The following PPARGC1A variants were observed in gnomAD, a reference collection of about 807,000 sequenced individuals.
PPARGC1A encodes the protein PPARG coactivator 1 alpha.
Under a neutral mutation model 88.7 loss-of-function variants are expected in PPARGC1A, and 25 were observed. The observed-to-expected ratio is 0.28, with a 90% CI of 0.21 to 0.39. The LOEUF (loss-of-function observed/expected upper bound fraction) is 0.39, where lower values mean the gene tolerates loss of function less well. Among genes scored for constraint, PPARGC1A ranks in the 10% least tolerant of loss-of-function variants. The pLI is 1.00. For synonymous variants in PPARGC1A, 363 were observed against 355.6 expected, an observed-to-expected ratio of 1.02 and a Z score of -0.24; for missense variants, 880 against 968.7, an observed-to-expected ratio of 0.91 and a Z score of 1.22.
the PPARGC1A span, among the ~76,000 whole-genome samples, chr4:24,393,817 G>A: frequency 6.6e-6 from 1 of 152,054 alleles, no homozygotes; most frequent in Admixed American, 6.5e-5. Context: ...AATAATTTAT[G>A]GCATAAAAAA....
At chr4:24,050,283 C>A in the PPARGC1A span, among the ~76,000 whole-genome samples, 1 of 144,306 alleles carries the variant, frequency 6.9e-6, no homozygotes, top group East Asian at 2.1e-4. Flanking sequence ...GCAACCTCTG[C>A]CTCCCAGGTT....
chr4:24,009,547 C>T, the PPARGC1A span, among the ~76,000 whole-genome samples: 1 of 152,194 alleles, frequency 6.6e-6, no homozygotes, highest in Non-Finnish European at 1.5e-5. Flanking sequence ...CAATGTATTG[C>T]TAGTTTCTTT....
chr4:24,089,370 AT>A, the PPARGC1A span, among the ~76,000 whole-genome samples: 2 of 152,282 alleles, frequency 1.3e-5, no homozygotes, highest in African/African-American at 4.8e-5. Flanking sequence ...CCTCTTGGGG[AT>A]GTTCAAGAGG....
chr4:24,449,989 G>C, the PPARGC1A span, among the ~76,000 whole-genome samples: 2 of 152,292 alleles, frequency 1.3e-5, no homozygotes, highest in Non-Finnish European at 2.9e-5. Flanking sequence ...CCAGACAACA[G>C]CTTTCTAGAA....
At chr4:24,117,104 T>C in the PPARGC1A span, among the ~76,000 whole-genome samples, 2 of 152,038 alleles carry the variant, frequency 1.3e-5, no homozygotes, top group Non-Finnish European at 2.9e-5. Flanking sequence ...CAGGATTACA[T>C]TTGTACTGAG....
At chr4:24,295,528 A>G in the PPARGC1A span, among the ~76,000 whole-genome samples, 1 of 152,002 alleles carries the variant, frequency 6.6e-6, no homozygotes, top group African/African-American at 2.4e-5. Context: ...ACTGGGGAGA[A>G]AAACCTAACT....
chr4:24,017,585 C>T, the PPARGC1A span, among the ~76,000 whole-genome samples: 2 of 152,096 alleles, frequency 1.3e-5, no homozygotes, highest in East Asian at 1.9e-4. Context: ...GAAATTAAGG[C>T]AGAAATGGGT....
At chr4:23,889,832 C>G in intron 1 of PPARGC1A, 72 bp downstream of exon 1, 1 of 1,571,756 alleles carries the variant, frequency 6.4e-7, no homozygotes. Flanking sequence ...AGCCCATCCC[C>G]CCTTACAGGA....
intron 2 of PPARGC1A, among the ~76,000 whole-genome samples, chr4:23,861,323 A>G (rs1382835553): frequency 6.6e-6 from 1 of 152,374 alleles, no homozygotes; most frequent in East Asian, 1.9e-4. Flanking sequence ...CACCAGACCC[A>G]GCCCAGAAGC....
At chr4:24,046,111 T>C in the PPARGC1A span, among the ~76,000 whole-genome samples, 1 of 152,136 alleles carries the variant, frequency 6.6e-6, no homozygotes, top group African/African-American at 2.4e-5. Context: ...CCTAAAATAA[T>C]CCTGATTATA....
chr4:24,433,977 C>G, the PPARGC1A span, among the ~76,000 whole-genome samples: 5 of 152,188 alleles, frequency 3.3e-5, no homozygotes, highest in Non-Finnish European at 5.9e-5. Flanking sequence ...ACGGAAGACC[C>G]TAGCTGGGGA....
chr4:23,932,819 C>A, the PPARGC1A span, among the ~76,000 whole-genome samples: 2 of 152,218 alleles, frequency 1.3e-5, no homozygotes, highest in East Asian at 1.9e-4. Context: ...CAGGGTACTG[C>A]ATATTCTAAG....
At chr4:24,414,361 T>C in the PPARGC1A span, among the ~76,000 whole-genome samples, 1 of 152,122 alleles carries the variant, frequency 6.6e-6, no homozygotes, top group Non-Finnish European at 1.5e-5. Context: ...CTCTTCTTTT[T>C]CTCCTTCCAG....
the PPARGC1A span, among the ~76,000 whole-genome samples, chr4:24,375,455 G>A: frequency 1.7e-3 from 261 of 152,226 alleles, no homozygotes; most frequent in African/African-American, 6.1e-3. Flanking sequence ...GTCGAACAGG[G>A]CATAGACCAA....
intron 12 of PPARGC1A, among the ~76,000 whole-genome samples, chr4:23,799,635 T>G (rs142548469): frequency 0.016 from 2,480 of 152,240 alleles, 36 homozygotes; most frequent in Non-Finnish European, 0.021. Context: ...AAACATACTT[T>G]TCAGAAAATA....
the PPARGC1A span, among the ~76,000 whole-genome samples, chr4:24,166,144 A>T: frequency 6.6e-6 from 1 of 152,250 alleles, no homozygotes; most frequent in African/African-American, 2.4e-5. Flanking sequence ...CCTAGATAAA[A>T]GATTAAACCA....
the PPARGC1A span, among the ~76,000 whole-genome samples, chr4:24,146,078 A>T: frequency 6.6e-6 from 1 of 152,218 alleles, no homozygotes; most frequent in Non-Finnish European, 1.5e-5. Context: ...TTTACTTCAA[A>T]ATCTGTAACA....
At chr4:24,044,440 GCGGATTCA>G in the PPARGC1A span, among the ~76,000 whole-genome samples, 4,675 of 152,188 alleles carry the variant, frequency 0.031, 154 homozygotes, top group South Asian at 0.082. Context: ...CAAAATCATG[GCGGATTCA>G]CGGATTCACA....
chr4:23,933,280 T>C, the PPARGC1A span, among the ~76,000 whole-genome samples: 1 of 152,228 alleles, frequency 6.6e-6, no homozygotes, highest in Non-Finnish European at 1.5e-5. Context: ...ACCACCTTCA[T>C]TGAATTTTTC....
Sources: allele counts gnomAD v4.1 joint callset (sites outside exome capture counted in the v4.1 genomes callset), GRCh38; gene constraint gnomAD v4.1.1; transcripts MANE v1.5; gene names NCBI Gene and HGNC (gene_info 2026-07-23, HGNC 2026-07-21).